ZNF536: variants seen among roughly 807,000 people sequenced by gnomAD.
The protein encoded by ZNF536 is zinc finger protein 536.
A neutral mutation model predicts 84.5 loss-of-function variants in ZNF536; 13 were observed. That is an observed-to-expected ratio of 0.15 (90% CI 0.10 to 0.24). The LOEUF (loss-of-function observed/expected upper bound fraction) is 0.24, where lower values mean the gene tolerates loss of function less well. Among genes scored for constraint, ZNF536 ranks in the 10% least tolerant of loss-of-function variants. ZNF536 has a pLI of 1.00. For synonymous variants in ZNF536, 811 were observed against 742.5 expected, an observed-to-expected ratio of 1.09 and a Z score of -1.50; for missense variants, 1,536 against 1,747.5, an observed-to-expected ratio of 0.88 and a Z score of 2.16.
At chr19:30,642,081 C>A (rs1377604922) in intron 1 of ZNF536, among the ~76,000 whole-genome samples, 1 of 152,120 alleles carries the variant, frequency 6.6e-6, no homozygotes, top group Non-Finnish European at 1.5e-5. Context: ...GCTGATATGG[C>A]GTGGGTGTTG....
chr19:30,669,720 AAC>A (rs1369190206), intron 1 of ZNF536, among the ~76,000 whole-genome samples: 2 of 152,242 alleles, frequency 1.3e-5, no homozygotes, highest in Non-Finnish European at 2.9e-5. Flanking sequence ...CCAACTGACA[AAC>A]ACCCAATTTT....
chr19:30,506,004 T>A (rs2055162806), intron 2 of ZNF536, among the ~76,000 whole-genome samples: 1 of 151,754 alleles, frequency 6.6e-6, no homozygotes, highest in South Asian at 2.1e-4. Context: ...TGTTGATTTT[T>A]TTTAGAAAAT....
At chr19:30,388,432 C>A (rs1254171342) in intron 1 of ZNF536, among the ~76,000 whole-genome samples, 1 of 152,230 alleles carries the variant, frequency 6.6e-6, no homozygotes, top group Non-Finnish European at 1.5e-5. Flanking sequence ...GCCATTGTGA[C>A]CACTTTGTAG....
intron 1 of ZNF536, among the ~76,000 whole-genome samples, chr19:30,578,375 C>T (rs4584951): frequency 0.34 from 51,986 of 152,124 alleles, 8,906 homozygotes; most frequent in East Asian, 0.42. Context: ...GGATGGGCCA[C>T]AGTAGGGACC....
At chr19:30,617,209 T>G (rs2147102894) in intron 1 of ZNF536, among the ~76,000 whole-genome samples, 1 of 151,692 alleles carries the variant, frequency 6.6e-6, no homozygotes, top group Non-Finnish European at 1.5e-5. Flanking sequence ...TGGTGATTTG[T>G]GAGATTTTGG....
At chr19:30,464,251 G>T (rs1414244612) in intron 2 of ZNF536, among the ~76,000 whole-genome samples, 1 of 152,184 alleles carries the variant, frequency 6.6e-6, no homozygotes, top group Non-Finnish European at 1.5e-5. Flanking sequence ...GGCGATGGGG[G>T]TGGAAGTGAG....
At chr19:30,596,882 C>A (rs569527319) in intron 1 of ZNF536, among the ~76,000 whole-genome samples, 1 of 151,440 alleles carries the variant, frequency 6.6e-6, no homozygotes, top group South Asian at 2.1e-4. Flanking sequence ...GTCCTTCCTG[C>A]GAAAGGAGGC....
rs1424372261 is a variant in ZNF536, at chr19:30,288,843, CT to C, written c.-120+4704del. 2.6e-5 allele frequency among the ~76,000 whole-genome samples: 4 copies of C among 152,318 alleles called. No individual in the cohort carries two copies. The East Asian group carries it at 7.7e-4, about 29-fold the overall frequency. ...TTTTCATTTCCTCTATTCCATCATC[CT>C]TCCCCCTTTCTCCATCTTTATTCAA... On this transcript the variant is annotated intron_variant, in intron 2 of 5. Transcript: ENST00000585628.
At chr19:30,388,975 C>T (rs899924240) in intron 1 of ZNF536, among the ~76,000 whole-genome samples, 2 of 152,176 alleles carry the variant, frequency 1.3e-5, no homozygotes, top group South Asian at 2.1e-4. Context: ...CAAGTGTAGC[C>T]CCTTCAGGAG....
chr19:30,403,208 C>T (rs749504880), intron 1 of ZNF536, among the ~76,000 whole-genome samples: 8 of 152,114 alleles, frequency 5.3e-5, no homozygotes, highest in Non-Finnish European at 7.4e-5. Flanking sequence ...CCATTTCAGA[C>T]GTCGGAGTGA....
At chr19:30,302,787 C>T (rs2046226264) in intron 2 of ZNF536, among the ~76,000 whole-genome samples, 1 of 151,958 alleles carries the variant, frequency 6.6e-6, no homozygotes, top group African/African-American at 2.4e-5. Context: ...CCCTCAACTG[C>T]CCCCAGGGCC....
chr19:30,437,119 G>GTAAGAT, intron 1 of ZNF536, among the ~76,000 whole-genome samples: 1 of 151,974 alleles, frequency 6.6e-6, no homozygotes, highest in South Asian at 2.1e-4. Context: ...CAACTTACTG[G>GTAAGAT]CAAGATCTAT....
chr19:30,415,285 C>CTTA (rs1183543696), intron 1 of ZNF536, among the ~76,000 whole-genome samples: 1 of 30,156 alleles, frequency 3.3e-5, no homozygotes, highest in Non-Finnish European at 8.1e-5. Flanking sequence ...CCTCCTCCTC[C>CTTA]TTCTTCTTCT....
At chr19:30,399,992 C>A (rs2049983267) in intron 1 of ZNF536, among the ~76,000 whole-genome samples, 1 of 152,184 alleles carries the variant, frequency 6.6e-6, no homozygotes, top group East Asian at 1.9e-4. Context: ...CCAGCCTTGG[C>A]ATTGGCTTTT....
At chr19:30,457,070 G>A (rs1365073782) in intron 2 of ZNF536, among the ~76,000 whole-genome samples, 1 of 150,600 alleles carries the variant, frequency 6.6e-6, no homozygotes, top group Non-Finnish European at 1.5e-5. Context: ...AAAAAAAGAT[G>A]AATAGAGATG....
chr19:30,706,377 C>T (rs2148039161), intron 1 of ZNF536, among the ~76,000 whole-genome samples: 1 of 151,732 alleles, frequency 6.6e-6, no homozygotes, highest in East Asian at 1.9e-4. Flanking sequence ...GTCCCAGCTA[C>T]TCAGGAGGCT....
At chr19:30,640,298 T>A (rs544869931) in intron 1 of ZNF536, among the ~76,000 whole-genome samples, 10 of 152,254 alleles carry the variant, frequency 6.6e-5, no homozygotes, top group Middle Eastern at 3.4e-3. Flanking sequence ...GCACCACTGT[T>A]TTTTTCATGC....
chr19:30,589,696 G>C (rs77009691), intron 1 of ZNF536, among the ~76,000 whole-genome samples: 2 of 152,156 alleles, frequency 1.3e-5, no homozygotes, highest in African/African-American at 4.8e-5. Flanking sequence ...GGACAAGGTA[G>C]AGCTGGGCTT....
rs768022077 is a variant in ZNF536, at chr19:30,513,132, T to G, written c.2171-21715T>G. On this transcript the variant is annotated intron_variant, in intron 2 of 4. Transcript: ENST00000355537. ...ATTAGAATAATGGAAAGCATTTTTT[T>G]TATATCATAGAATCAAAACCACAAA... is the stretch of plus-strand genomic sequence containing the variant. Among the ~76,000 whole-genome samples the G allele has an allele frequency of 1.0e-3, 157 of 152,344 alleles. 7 individuals carry two copies. The highest frequency in any genetic ancestry group is 1.2e-3 in the South Asian group (6 of 4,826).
Sources: gnomAD v4.1 joint callset for allele counts (sites outside exome capture counted in the v4.1 genomes callset) on GRCh38, gnomAD v4.1.1 for gene constraint, MANE v1.5 for transcripts, NCBI Gene and HGNC (gene_info 2026-07-23, HGNC 2026-07-21) for gene names.